The following PHF21A variants were observed in gnomAD, a reference collection of about 807,000 sequenced individuals.
PHF21A encodes PHD finger protein 21A.
Under a neutral mutation model 82.5 loss-of-function variants are expected in PHF21A, and 11 were observed. The ratio of observed to expected loss-of-function variants is 0.13; its 90% CI spans 0.08 to 0.22. The LOEUF is 0.22. Ranked by LOEUF, PHF21A falls within the 10% of genes least tolerant of loss-of-function variation. The pLI is 1.00. For synonymous variants in PHF21A, 297 were observed against 302.8 expected, an observed-to-expected ratio of 0.98 and a Z score of 0.20; for missense variants, 579 against 837.8, an observed-to-expected ratio of 0.69 and a Z score of 3.81.
intron 1 of PHF21A, among the ~76,000 whole-genome samples, chr11:46,097,949 T>C (rs1227228652): frequency 6.6e-6 from 1 of 152,130 alleles, no homozygotes; most frequent in Non-Finnish European, 1.5e-5. Flanking sequence ...TTAAAGATAT[T>C]GAATATATTA....
At chr11:46,050,649 A>T (rs945032961) in intron 6 of PHF21A, among the ~76,000 whole-genome samples, 2 of 152,252 alleles carry the variant, frequency 1.3e-5, no homozygotes, top group African/African-American at 4.8e-5. Flanking sequence ...ACAATGTTCA[A>T]GAGCATAGTC....
At chr11:46,085,200 C>A (rs556203507) in intron 3 of PHF21A, among the ~76,000 whole-genome samples, 1 of 152,106 alleles carries the variant, frequency 6.6e-6, no homozygotes, top group African/African-American at 2.4e-5. Flanking sequence ...GTACTATCCA[C>A]GAACTTATGA....
At chr11:46,063,581 C>G (rs1386817243) in intron 6 of PHF21A, among the ~76,000 whole-genome samples, 1 of 152,174 alleles carries the variant, frequency 6.6e-6, no homozygotes, top group Non-Finnish European at 1.5e-5. Context: ...CCCTGCCCTA[C>G]AGAATCATAC....
chr11:46,081,922 G>C (rs1407429810), intron 4 of PHF21A, among the ~76,000 whole-genome samples: 1 of 152,148 alleles, frequency 6.6e-6, no homozygotes, highest in East Asian at 1.9e-4. Context: ...TTTACTGTGT[G>C]TCCCTTTACA....
chr11:45,988,423 T>C (rs1014497994), intron 6 of PHF21A, among the ~76,000 whole-genome samples: 1 of 152,320 alleles, frequency 6.6e-6, no homozygotes, highest in South Asian at 2.1e-4. Context: ...AATGTAATAT[T>C]TGCCTTACAT....
In PHF21A at chr11:45,931,979, G is replaced by C. The variant is rs1029818536; in HGVS notation, c.*1989C>G. On this transcript the variant is annotated 3_prime_UTR_variant, in exon 19 of 19. Transcript: ENST00000676320. ...AGGAGGCTTGTGGGTGGGTGGAGTG[G>C]AGTAAATTTCTGGTGCCTGGAGCCA... The C allele has an allele frequency of 3.8e-4, 58 of 152,428 alleles. No individual in the cohort carries two copies. Among genetic ancestry groups the C allele is most frequent in the African/African-American group, 1.3e-3 (53 of 41,574 alleles). The allele number at this position is 152,428 out of a possible 1,614,324, so 9.4% of individuals were successfully genotyped here. A position where few individuals can be genotyped will look rare whatever the true frequency, so the allele number is the denominator to read the frequency against.
Position 46,113,012 on chromosome 11 carries a change from G to A in PHF21A, c.-237+7923C>T, listed in dbSNP as rs1463531905. Among the ~76,000 whole-genome samples the A allele has an allele frequency of 2.0e-5, 3 of 152,174 alleles. No individual in the cohort carries two copies. The East Asian group carries it at 5.8e-4, about 29-fold the overall frequency. ...TCTGAAGACTCACTTTAGAATTTGAGCAGCATAATAATCATAATATTAGTA... is the reference window on the plus strand; with the variant it reads ...TCTGAAGACTCACTTTAGAATTTGAACAGCATAATAATCATAATATTAGTA... On this transcript the variant is annotated intron_variant, in intron 1 of 18. Transcript: ENST00000676320.
intron 6 of PHF21A, among the ~76,000 whole-genome samples, chr11:46,008,861 C>T (rs1376663438): frequency 6.6e-6 from 1 of 152,100 alleles, no homozygotes; most frequent in African/African-American, 2.4e-5. Context: ...CCTATCCACT[C>T]CCATTCCACT....
intron 5 of PHF21A, 94 bp downstream of exon 5, chr11:46,079,040 G>A: frequency 1.4e-6 from 1 of 701,720 alleles, no homozygotes; most frequent in Non-Finnish European, 2.4e-6. Flanking sequence ...ATTCTTAAAA[G>A]TTAAGTACCA....
chr11:45,941,403 A>G (rs1469512218), intron 15 of PHF21A, among the ~76,000 whole-genome samples: 1 of 152,258 alleles, frequency 6.6e-6, no homozygotes, highest in Non-Finnish European at 1.5e-5. Flanking sequence ...ACACAGAGGT[A>G]CACATTCCAT....
At chr11:45,965,753 G>A in intron 9 of PHF21A, 145 bp from the exon 10 acceptor site, 1 of 665,622 alleles carries the variant, frequency 1.5e-6, no homozygotes, top group Non-Finnish European at 2.5e-6. Context: ...AGACCTCAGG[G>A]CATATAATCT....
chr11:46,120,003 G>T (rs1395309214), intron 1 of PHF21A: 1 of 147,486 alleles, frequency 6.8e-6, no homozygotes, highest in Non-Finnish European at 1.5e-5. Flanking sequence ...GGGCGAATGC[G>T]GGAGGGCCGG....
chr11:45,972,194 T>C (rs147918963), intron 7 of PHF21A, among the ~76,000 whole-genome samples: 33 of 152,186 alleles, frequency 2.2e-4, no homozygotes, highest in African/African-American at 7.2e-4. Flanking sequence ...GAAGATGAAC[T>C]GAGGTGAGAG....
chr11:46,079,740 ACT>A (rs1347605183), intron 4 of PHF21A, among the ~76,000 whole-genome samples: 6 of 151,970 alleles, frequency 3.9e-5, no homozygotes, highest in Admixed American at 6.6e-5. Flanking sequence ...ACAATACAAA[ACT>A]CTATCTAACT....
rs935715645 is a variant in PHF21A, at chr11:46,121,125, G to A, written c.-427C>T. ...TAGATATTAGTGTGTTAAGATGGTAGGTTGTTCCCTTCTCCCTCCTCCTCC... is the reference window on the plus strand; with the variant it reads ...TAGATATTAGTGTGTTAAGATGGTAAGTTGTTCCCTTCTCCCTCCTCCTCC... On this transcript the variant is annotated 5_prime_UTR_variant, in exon 1 of 19. Transcript: ENST00000676320. 3 of 152,116 alleles carry A rather than the reference G, an allele frequency of 2.0e-5. No individual in the cohort carries two copies. The highest frequency in any genetic ancestry group is 1.3e-4 in the Admixed American group (2 of 15,158). The allele number at this position is 152,116 out of a possible 1,614,324, so 9.4% of individuals were successfully genotyped here. A position where few individuals can be genotyped will look rare whatever the true frequency, so the allele number is the denominator to read the frequency against.
chr11:46,118,259 C>T (rs1851941073), intron 1 of PHF21A: 1 of 151,902 alleles, frequency 6.6e-6, no homozygotes, highest in Non-Finnish European at 1.5e-5. Context: ...TGCCTCAGTC[C>T]AAAATACAAC....
chr11:46,054,931 C>T (rs1028644912), intron 6 of PHF21A, among the ~76,000 whole-genome samples: 5 of 152,104 alleles, frequency 3.3e-5, no homozygotes, highest in Non-Finnish European at 7.4e-5. Context: ...TCATACAAAG[C>T]AGGAAATCAT....
chr11:45,991,407 G>A (rs2094695589), intron 6 of PHF21A, among the ~76,000 whole-genome samples: 1 of 152,076 alleles, frequency 6.6e-6, no homozygotes, highest in Non-Finnish European at 1.5e-5. Context: ...ACTAAACCTA[G>A]GTCACAAATC....
chr11:45,968,921 A>C (rs1591394504), intron 9 of PHF21A, among the ~76,000 whole-genome samples: 1 of 139,462 alleles, frequency 7.2e-6, no homozygotes. Flanking sequence ...ATGGGAGCGA[A>C]ACTCCATTGC....
Sources: allele counts gnomAD v4.1 joint callset (sites outside exome capture counted in the v4.1 genomes callset), GRCh38; gene constraint gnomAD v4.1.1; transcripts MANE v1.5; gene names NCBI Gene and HGNC (gene_info 2026-07-23, HGNC 2026-07-21).